CCDC12: variants seen among roughly 807,000 people sequenced by gnomAD.
The protein encoded by CCDC12 is coiled-coil domain-containing protein 12.
A neutral mutation model predicts 25.7 loss-of-function variants in CCDC12; 28 were observed. The observed-to-expected ratio is 1.09, with a 90% CI of 0.81 to 1.50. The LOEUF (loss-of-function observed/expected upper bound fraction) is 1.50, where lower values mean the gene tolerates loss of function less well. Ranked by LOEUF, CCDC12 falls within the 40% of genes most tolerant of loss-of-function variation. The pLI is 0.00. For synonymous variants in CCDC12, 75 were observed against 87.7 expected, an observed-to-expected ratio of 0.86 and a Z score of 0.81; for missense variants, 198 against 210.0, an observed-to-expected ratio of 0.94 and a Z score of 0.35.
intron 1 of CCDC12, 104 bp downstream of exon 1, chr3:46,976,533 C>T (rs939732840): frequency 9.6e-6 from 14 of 1,463,704 alleles, no homozygotes; most frequent in Non-Finnish European, 1.3e-5. Context: ...GCATGCGCGC[C>T]CTCGGCAGCT....
chr3:46,943,813 C>A, intron 1 of CCDC12, among the ~76,000 whole-genome samples: 1 of 152,162 alleles, frequency 6.6e-6, no homozygotes, highest in East Asian at 1.9e-4. Flanking sequence ...AAAAATGACC[C>A]CAGCCTGGGA....
intron 1 of CCDC12, among the ~76,000 whole-genome samples, chr3:46,964,925 G>A (rs376053092): frequency 5.9e-5 from 9 of 151,566 alleles, no homozygotes; most frequent in Non-Finnish European, 2.9e-5. Context: ...CCCCCTCTGC[G>A]AGAAACACCC....
intron 2 of CCDC12, among the ~76,000 whole-genome samples, chr3:46,932,301 G>C (rs987647675): frequency 6.6e-6 from 1 of 152,198 alleles, no homozygotes; most frequent in African/African-American, 2.4e-5. Flanking sequence ...GAGTGCCCTA[G>C]AGTGGCCTAA....
At chr3:46,972,578 T>C (rs1203879868) in intron 1 of CCDC12, among the ~76,000 whole-genome samples, 1 of 151,594 alleles carries the variant, frequency 6.6e-6, no homozygotes, top group African/African-American at 2.4e-5. Context: ...GAAATGCAAA[T>C]CAAAACCACA....
intron 1 of CCDC12, among the ~76,000 whole-genome samples, chr3:46,958,737 T>A (rs1180493959): frequency 6.6e-6 from 1 of 152,020 alleles, no homozygotes; most frequent in African/African-American, 2.4e-5. Flanking sequence ...GTTTGTTAAG[T>A]GTTCTATGAG....
chr3:46,978,973 ACT>A (rs2035115117), upstream of CCDC12, among the ~76,000 whole-genome samples: 1 of 151,972 alleles, frequency 6.6e-6, no homozygotes, highest in African/African-American at 2.4e-5. Context: ...ACAGAGTGAG[ACT>A]CTGTCTCAAA....
Position 46,923,340 on chromosome 3 carries a change from C to A in CCDC12, c.330G>T (p.Arg110=), listed in dbSNP as rs764455609. ...CGGGCAACACTCACCAGTCAGGCTTCCGAGGAGCGAGGTTGGCCAGGTCCT... is the reference window on the plus strand; with the variant it reads ...CGGGCAACACTCACCAGTCAGGCTTACGAGGAGCGAGGTTGGCCAGGTCCT... ...EEVDLANLAP[R]KPDWDLKRDV... Residue 110 remains arginine (R), a synonymous_variant, in exon 5 of 7, where the codon CGG becomes CGT. Coordinates refer to ENST00000683445, the MANE Select transcript of CCDC12 (RefSeq NM_001277074.2). 67 of 1,492,530 alleles carry A rather than the reference C, an allele frequency of 4.5e-5. No individual in the cohort carries two copies. The East Asian group carries it at 1.6e-3, about 36-fold the overall frequency. 92.5% of individuals were successfully genotyped at this position (1,492,530 alleles called of 1,614,324 possible).
chr3:46,966,508 T>G, intron 1 of CCDC12, among the ~76,000 whole-genome samples: 1 of 150,902 alleles, frequency 6.6e-6, no homozygotes, highest in East Asian at 1.9e-4. Flanking sequence ...AGAGTGAGAC[T>G]CTGTCTCAAA....
chr3:46,959,364 T>C (rs2034395696), intron 1 of CCDC12, among the ~76,000 whole-genome samples: 1 of 152,212 alleles, frequency 6.6e-6, no homozygotes, highest in Non-Finnish European at 1.5e-5. Flanking sequence ...CTAGATGGCA[T>C]GACTTAAGGG....
rs558512891 is a variant in CCDC12, at chr3:46,963,508, C to T, written c.96+13129G>A. ...CCACGGTCTCCCTCTGATGCCCAGC[C>T]GAAGCTGGACTGTACTGCTGCCATC... On this transcript the variant is annotated intron_variant, in intron 1 of 6. Transcript: ENST00000683445. Among the ~76,000 whole-genome samples, 324 of 152,330 alleles carry T rather than the reference C, an allele frequency of 2.1e-3. 3 individuals are homozygous for T. The highest frequency in any genetic ancestry group is 7.4e-3 in the African/African-American group (309 of 41,572).
At chr3:46,977,682 A>G (rs932104301), upstream of CCDC12, among the ~76,000 whole-genome samples, 6 of 152,064 alleles carry the variant, frequency 3.9e-5, no homozygotes, top group African/African-American at 1.2e-4. Flanking sequence ...TCTGGACTCA[A>G]AGATGATCCC....
At chr3:46,923,749 G>C in intron 3 of CCDC12, 81 bp from the exon 4 acceptor site, 2 of 1,191,474 alleles carry the variant, frequency 1.7e-6, no homozygotes, top group Non-Finnish European at 2.2e-6. Context: ...GTGGCCCCCA[G>C]GGAGAGACGG....
intron 2 of CCDC12, among the ~76,000 whole-genome samples, chr3:46,926,062 T>C (rs547930826): frequency 6.6e-6 from 1 of 152,322 alleles, no homozygotes; most frequent in South Asian, 2.1e-4. Flanking sequence ...GCTCATGCCA[T>C]GGAATACGCC....
At chr3:46,941,246 A>G (rs1286405410) in intron 1 of CCDC12, among the ~76,000 whole-genome samples, 181 bp from the exon 2 acceptor site, 3 of 152,176 alleles carry the variant, frequency 2.0e-5, no homozygotes, top group South Asian at 2.1e-4. Flanking sequence ...CTGGAGCCTC[A>G]TTGCCTGTGC....
intron 1 of CCDC12, among the ~76,000 whole-genome samples, chr3:46,944,950 G>A (rs1379968964): frequency 6.6e-6 from 1 of 152,134 alleles, no homozygotes; most frequent in Non-Finnish European, 1.5e-5. Flanking sequence ...CTCAAATCCT[G>A]AAATATCTAC....
intron 1 of CCDC12, chr3:46,976,188 C>T (rs976036250): frequency 1.2e-5 from 5 of 430,142 alleles, no homozygotes; most frequent in Middle Eastern, 1.1e-3. Context: ...TGTATACCCA[C>T]TGCTGTCACT....
At chr3:46,923,729 A>G (rs2032811520) in intron 3 of CCDC12, 61 bp from the exon 4 acceptor site, 9 of 1,352,382 alleles carry the variant, frequency 6.7e-6, no homozygotes, top group South Asian at 1.7e-5. Context: ...CTGCAGGGAC[A>G]CTGCCTACCG....
At position 46,951,816 on chromosome 3, in the gene CCDC12, TATATATAC is replaced by T. The variant is rs1210639162; in HGVS notation, c.97-10759_97-10752del. Among the ~76,000 whole-genome samples the T allele has an allele frequency of 6.1e-4, 43 of 70,502 alleles. 2 individuals carry two copies. Among genetic ancestry groups the T allele is most frequent in the South Asian group, 7.2e-4 (1 of 1,382 alleles). The allele number at this position is 70,502 out of a possible 152,430, so 46.3% of individuals were successfully genotyped here. On this transcript the variant is annotated intron_variant, in intron 1 of 6. Coordinates refer to ENST00000683445, the MANE Select transcript of CCDC12 (RefSeq NM_001277074.2). Reference sequence around the variant, plus strand: ...AAAAAAAAATATATATATATATATATATATATACTTAATGAGGATCAAATTAACAATGA... The same window carrying T: ...AAAAAAAAATATATATATATATATATTTAATGAGGATCAAATTAACAATGA...
At chr3:46,927,455 A>G (rs1233907098) in intron 2 of CCDC12, among the ~76,000 whole-genome samples, 1 of 152,190 alleles carries the variant, frequency 6.6e-6, no homozygotes, top group Non-Finnish European at 1.5e-5. Context: ...AGGAGAGGCC[A>G]CAGGGAACTG....
Sources: gnomAD v4.1 joint callset for allele counts (sites outside exome capture counted in the v4.1 genomes callset) on GRCh38, gnomAD v4.1.1 for gene constraint, MANE v1.5 for transcripts, NCBI Gene and HGNC (gene_info 2026-07-23, HGNC 2026-07-21) for gene names.